NDRG4: variants seen among roughly 807,000 people sequenced by gnomAD.
NDRG4 encodes protein NDRG4.
A neutral mutation model predicts 55.8 loss-of-function variants in NDRG4; 38 were observed. The observed-to-expected ratio is 0.68, with a 90% CI of 0.53 to 0.89. The LOEUF is 0.89. Among genes scored for constraint, NDRG4 ranks in the 40% least tolerant of loss-of-function variants. The probability of loss-of-function intolerance (pLI) is 0.00; values close to 1 mark genes in which losing one functional copy is unlikely to be tolerated. For synonymous variants in NDRG4, 190 were observed against 182.7 expected (o/e 1.04, Z -0.32); for missense variants, 455 against 468.6 (o/e 0.97, Z 0.27).
At chr16:58,474,665 T>C (rs1053460117) in intron 1 of NDRG4, among the ~76,000 whole-genome samples, 1 of 152,184 alleles carries the variant, frequency 6.6e-6, no homozygotes, top group African/African-American at 2.4e-5. Flanking sequence ...AAGGTAGATA[T>C]GTTTGTCTGT....
chr16:58,505,199 ATT>A (rs2037721038), intron 5 of NDRG4, among the ~76,000 whole-genome samples: 1 of 151,988 alleles, frequency 6.6e-6, no homozygotes, highest in African/African-American at 2.4e-5. Flanking sequence ...AATACAAAAA[ATT>A]AGCCGGGCGT....
At position 58,506,483 on chromosome 16, in the gene NDRG4, G is replaced by C. The variant is rs367677898; in HGVS notation, c.459+10G>C. ...CTGGGCTGCCACCAAGGTGTGTGTG[G>C]TGACCGGGGGTGGGGTGGGTATACC... On this transcript the variant is annotated intron_variant, in intron 6 of 14. Coordinates refer to ENST00000570248, the MANE Select transcript of NDRG4 (RefSeq NM_001242835.2). 1.9e-6 allele frequency: 3 copies of C among 1,608,240 alleles called. No homozygotes were observed. Among genetic ancestry groups the C allele is most frequent in the African/African-American group, 2.7e-5 (2 of 74,382 alleles).
intron 1 of NDRG4, among the ~76,000 whole-genome samples, chr16:58,472,939 C>G (rs1009764495): frequency 3.3e-5 from 5 of 152,124 alleles, no homozygotes; most frequent in Non-Finnish European, 7.4e-5. Flanking sequence ...TTCTCATTGG[C>G]TTTGCTGCTT....
chr16:58,506,814 G>A, intron 7 of NDRG4, 98 bp from the exon 8 acceptor site: 2 of 1,298,016 alleles, frequency 1.5e-6, no homozygotes, highest in Non-Finnish European at 2.2e-6. Flanking sequence ...GCTGAGTGGG[G>A]CAAGGGCCAC....
At chr16:58,477,127 ATGTGATATATATATG>A (rs1239145363) in intron 1 of NDRG4, among the ~76,000 whole-genome samples, 1 of 151,260 alleles carries the variant, frequency 6.6e-6, no homozygotes, top group African/African-American at 2.4e-5. Context: ...TATGATATAT[ATGTGATATATATATG>A]TGTGATATAT....
rs1223360897 is a variant in NDRG4 at position 58,512,090 on chromosome 16, G to A, written c.*514G>A. ...GGACAACAGCCACAAGGGGGCGCTC[G>A]GACCAGGCAGCCACTTTCCTGGTGC... On this transcript the variant is annotated 3_prime_UTR_variant, in exon 15 of 15. Coordinates refer to ENST00000570248, the MANE Select transcript of NDRG4 (RefSeq NM_001242835.2). 6.6e-6 allele frequency: 3 copies of A among 456,752 alleles called. No homozygotes were observed. The highest frequency in any genetic ancestry group is 6.9e-5 in the East Asian group (1 of 14,394). 28.3% of individuals were successfully genotyped at this position (456,752 alleles called of 1,614,324 possible).
At position 58,512,143 on chromosome 16, in the gene NDRG4, C is replaced by T; in HGVS notation, c.*567C>T. On this transcript the variant is annotated 3_prime_UTR_variant, in exon 15 of 15. Coordinates refer to ENST00000570248, the MANE Select transcript of NDRG4 (RefSeq NM_001242835.2). ...TCTGGGCCCAGCTGGTGCTGTAGGG[C>T]CACGCAGGCAGGGGCGTCAAGGGGT... 1 of 455,790 alleles carries T rather than the reference C, an allele frequency of 2.2e-6. No homozygotes were observed. Among genetic ancestry groups the T allele is most frequent in the South Asian group, 1.6e-5 (1 of 64,416 alleles). 28.2% of individuals were successfully genotyped at this position (455,790 alleles called of 1,614,324 possible).
At chr16:58,491,005 G>A (rs1463240295) in intron 2 of NDRG4, among the ~76,000 whole-genome samples, 1 of 151,530 alleles carries the variant, frequency 6.6e-6, no homozygotes, top group South Asian at 2.1e-4. Context: ...GGCCGGGCAT[G>A]GTGGCTCACA....
intron 1 of NDRG4, chr16:58,475,802 C>G (rs1024974287): frequency 2.7e-6 from 1 of 375,704 alleles, no homozygotes; most frequent in Admixed American, 3.5e-5. Flanking sequence ...GGCATGTCTC[C>G]CCTTTTTTTT....
chr16:58,465,856 A>C (rs1012429627), intron 1 of NDRG4, among the ~76,000 whole-genome samples: 9 of 152,216 alleles, frequency 5.9e-5, no homozygotes, highest in Admixed American at 2.0e-4. Context: ...CGCTGAGCCC[A>C]GTTAGCCACG....
At chr16:58,474,793 C>T (rs2033401042) in intron 1 of NDRG4, among the ~76,000 whole-genome samples, 2 of 152,170 alleles carry the variant, frequency 1.3e-5, no homozygotes, top group Non-Finnish European at 2.9e-5. Context: ...CGGGCCCAAA[C>T]CACATGTACT....
At chr16:58,509,526 C>T in intron 13 of NDRG4, 174 bp downstream of exon 13, 1 of 664,392 alleles carries the variant, frequency 1.5e-6, no homozygotes, top group Admixed American at 2.9e-5. Context: ...ACAGATGCCA[C>T]CTGAGTTGCA....
chr16:58,488,663 T>C (rs967560551), intron 2 of NDRG4, among the ~76,000 whole-genome samples: 3 of 151,810 alleles, frequency 2.0e-5, no homozygotes, highest in African/African-American at 4.8e-5. Flanking sequence ...CAGCCTCCCA[T>C]CACCAGGAGG....
rs775832636 is a variant in NDRG4, at chr16:58,511,633, G to A, written c.*57G>A. ...GAGGCCCCACCGCCATCCTTGCGCCGGCTCATGTTCCCTTTAGTTTATTTT... is the reference window on the plus strand; with the variant it reads ...GAGGCCCCACCGCCATCCTTGCGCCAGCTCATGTTCCCTTTAGTTTATTTT... On this transcript the variant is annotated 3_prime_UTR_variant, in exon 15 of 15. Coordinates refer to ENST00000570248, the MANE Select transcript of NDRG4 (RefSeq NM_001242835.2). 39 of 1,606,312 alleles carry A rather than the reference G, an allele frequency of 2.4e-5. No homozygotes were observed. In the African/African-American group the frequency reaches 3.9e-4, roughly 16 times the overall value.
chr16:58,491,455 CT>C (rs111544881), intron 2 of NDRG4, among the ~76,000 whole-genome samples: 8 of 146,856 alleles, frequency 5.4e-5, no homozygotes, highest in African/African-American at 7.5e-5. Flanking sequence ...ATCCTTTTCA[CT>C]TTTTTTTTTT....
intron 1 of NDRG4, chr16:58,501,378 G>A: frequency 3.4e-6 from 1 of 296,188 alleles, no homozygotes; most frequent in Non-Finnish European, 6.2e-6. Flanking sequence ...CCGACCGAGA[G>A]GAGCCGCCAC....
intron 1 of NDRG4, among the ~76,000 whole-genome samples, chr16:58,477,144 G>C (rs2033772155): frequency 6.6e-6 from 1 of 150,956 alleles, no homozygotes; most frequent in Admixed American, 6.6e-5. Flanking sequence ...ATATATATGT[G>C]TGATATATAT....
chr16:58,505,356 T>TC (rs2037773828), intron 5 of NDRG4, among the ~76,000 whole-genome samples: 1 of 88,982 alleles, frequency 1.1e-5, no homozygotes, highest in African/African-American at 4.6e-5. Flanking sequence ...CTCAAAAAAA[T>TC]AAAAAAATAA....
intron 1 of NDRG4, among the ~76,000 whole-genome samples, chr16:58,482,943 GC>G (rs1377945143): frequency 2.6e-5 from 4 of 152,022 alleles, no homozygotes; most frequent in Non-Finnish European, 5.9e-5. Context: ...CATCACGTGA[GC>G]TCAGCTAATT....
Sources: allele counts gnomAD v4.1 joint callset (sites outside exome capture counted in the v4.1 genomes callset), GRCh38; gene constraint gnomAD v4.1.1; transcripts MANE v1.5; gene names NCBI Gene and HGNC (gene_info 2026-07-23, HGNC 2026-07-21).